Variants in ATP9B observed in about 807,000 individuals in gnomAD.
ATP9B encodes ATPase phospholipid transporting 9B.
ATP9B carries 110 observed loss-of-function variants against 146.1 expected under a neutral mutation model. The ratio of observed to expected loss-of-function variants is 0.75; its 90% CI spans 0.65 to 0.88. The LOEUF (loss-of-function observed/expected upper bound fraction) is 0.88, where lower values mean the gene tolerates loss of function less well. Ranked by LOEUF, ATP9B falls within the 40% of genes least tolerant of loss-of-function variation. ATP9B has a pLI of 0.00. For missense variants in ATP9B, 1,499 were observed against 1,496.4 expected (o/e 1.00, Z -0.03); for synonymous variants, 604 against 569.7 (o/e 1.06, Z -0.86).
chr18:79,233,189 G>A (rs2095808405), intron 11 of ATP9B, among the ~76,000 whole-genome samples: 1 of 152,188 alleles, frequency 6.6e-6, no homozygotes. Context: ...CTACTCTGGA[G>A]GCTGAAGCAG....
chr18:79,360,467 C>G (rs2096981367), intron 26 of ATP9B: 1 of 152,154 alleles, frequency 6.6e-6, no homozygotes, highest in Non-Finnish European at 1.5e-5. Context: ...TAACCACAAA[C>G]TGAGAAACTA....
intron 9 of ATP9B, among the ~76,000 whole-genome samples, chr18:79,200,779 AAGT>A (rs1390483776): frequency 2.1e-4 from 6 of 28,516 alleles, no homozygotes; most frequent in South Asian, 1.8e-3. Flanking sequence ...GTCAGAGCAG[AAGT>A]AGTGGTGGAA....
chr18:79,305,229 C>T (rs1217519556), intron 14 of ATP9B, among the ~76,000 whole-genome samples: 1 of 152,246 alleles, frequency 6.6e-6, no homozygotes, highest in East Asian at 1.9e-4. Flanking sequence ...CCCATTGCTG[C>T]GTTTCTACTC....
chr18:79,185,728 A>G (rs2148051086), intron 8 of ATP9B, among the ~76,000 whole-genome samples: 1 of 152,336 alleles, frequency 6.6e-6, no homozygotes, highest in South Asian at 2.1e-4. Context: ...GTAATAGCTT[A>G]TGCCCGTAAT....
At chr18:79,151,645 C>T (rs2094690902) in intron 6 of ATP9B, among the ~76,000 whole-genome samples, 1 of 152,136 alleles carries the variant, frequency 6.6e-6, no homozygotes, top group Non-Finnish European at 1.5e-5. Context: ...AATTCTACTC[C>T]AATCAGCGTG....
chr18:79,251,244 C>T lies in ATP9B; in HGVS notation c.1108-2137C>T, dbSNP rs565013245. On this transcript the variant is annotated intron_variant, in intron 11 of 29. Coordinates refer to ENST00000426216, the MANE Select transcript of ATP9B (RefSeq NM_198531.5). ...CCCCACCCCGCTGAATGCGGCATCC[C>T]GTCTGTGTTGGTCATGGAACCCACA... is the stretch of plus-strand genomic sequence containing the variant. Among the ~76,000 whole-genome samples, 11 of 152,334 alleles carry T rather than the reference C, an allele frequency of 7.2e-5. No homozygotes were observed. In the South Asian group the frequency reaches 8.3e-4, roughly 11 times the overall value.
Position 79,377,416 on chromosome 18 carries a change from C to T in ATP9B, c.*33C>T, listed in dbSNP as rs150163921. The T allele has an allele frequency of 1.2e-3, 1,867 of 1,600,026 alleles. 23 individuals are homozygous for T. The African/African-American group carries it at 0.022, about 19-fold the overall frequency. On this transcript the variant is annotated 3_prime_UTR_variant, in exon 30 of 30. Transcript: ENST00000426216. ...TGCACCCCCAGCGGGCTGGCCCCAG[C>T]ACCTTCTGCCCTTCCCAGCACCTTG...
chr18:79,226,417 A>G (rs376703421), intron 11 of ATP9B, among the ~76,000 whole-genome samples: 5 of 152,142 alleles, frequency 3.3e-5, no homozygotes, highest in African/African-American at 9.7e-5. Flanking sequence ...AACTCTTAGG[A>G]GAGATGTAAC....
At chr18:79,136,948 C>CT (rs2147323633) in intron 5 of ATP9B, among the ~76,000 whole-genome samples, 1 of 152,302 alleles carries the variant, frequency 6.6e-6, no homozygotes, top group East Asian at 1.9e-4. Flanking sequence ...AACGCACTCA[C>CT]TATCACAAGG....
At chr18:79,242,346 CTGATT>C (rs2095897695) in intron 11 of ATP9B, among the ~76,000 whole-genome samples, 1 of 152,090 alleles carries the variant, frequency 6.6e-6, no homozygotes, top group African/African-American at 2.4e-5. Context: ...GAAGAATATC[CTGATT>C]TGAAGTCTAA....
chr18:79,325,819 G>A (rs2096741228), intron 15 of ATP9B, among the ~76,000 whole-genome samples: 2 of 152,172 alleles, frequency 1.3e-5, no homozygotes, highest in African/African-American at 4.8e-5. Context: ...ATGGCGTTAG[G>A]CTGTTTTCCA....
At chr18:79,099,364 G>C (rs1171660447) in intron 2 of ATP9B, among the ~76,000 whole-genome samples, 1 of 152,154 alleles carries the variant, frequency 6.6e-6, no homozygotes, top group Non-Finnish European at 1.5e-5. Flanking sequence ...TGGGACTACA[G>C]ATGTGCACCA....
intron 15 of ATP9B, among the ~76,000 whole-genome samples, chr18:79,312,568 T>C (rs921729517): frequency 1.3e-5 from 2 of 152,222 alleles, no homozygotes; most frequent in Non-Finnish European, 2.9e-5. Flanking sequence ...GCAGGCTTTA[T>C]CTTCCTTACG....
intron 5 of ATP9B, among the ~76,000 whole-genome samples, chr18:79,142,552 A>G (rs914851116): frequency 2.6e-5 from 4 of 152,212 alleles, no homozygotes; most frequent in Non-Finnish European, 5.9e-5. Context: ...CTTTGCTGTG[A>G]AAAGCATAGC....
At chr18:79,075,081 G>GTTTT (rs35645442) in intron 1 of ATP9B, among the ~76,000 whole-genome samples, 3 of 146,030 alleles carry the variant, frequency 2.1e-5, no homozygotes, top group Non-Finnish European at 4.5e-5. Flanking sequence ...TCTTTTTAGA[G>GTTTT]TTTTTTTTTT....
At chr18:79,247,535 TTATCC>T (rs1358631854) in intron 11 of ATP9B, among the ~76,000 whole-genome samples, 1 of 152,138 alleles carries the variant, frequency 6.6e-6, no homozygotes, top group Non-Finnish European at 1.5e-5. Context: ...AGTAATAATT[TTATCC>T]TTAAAAACAT....
intron 2 of ATP9B, among the ~76,000 whole-genome samples, chr18:79,103,267 G>GTTT (rs76907504): frequency 4.5e-5 from 6 of 133,278 alleles, no homozygotes; most frequent in African/African-American, 5.8e-5. Flanking sequence ...ACTATTTGTA[G>GTTT]TTTTTTTTTT....
chr18:79,297,183 T>TGACCCAGAGAGGAGACACAGAC (rs2096557077), intron 13 of ATP9B, among the ~76,000 whole-genome samples: 1 of 108,360 alleles, frequency 9.2e-6, no homozygotes, highest in Non-Finnish European at 1.8e-5. Context: ...CAAAGAGAGA[T>TGACCCAGAGAGGAGACACAGAC]GACCCAGAGA....
chr18:79,163,731 C>CGT (rs1177037614), intron 7 of ATP9B, among the ~76,000 whole-genome samples: 1 of 150,720 alleles, frequency 6.6e-6, no homozygotes, highest in Non-Finnish European at 1.5e-5. Flanking sequence ...TATATGTATG[C>CGT]GTGTGTGTAT....
Sources: allele counts gnomAD v4.1 joint callset (sites outside exome capture counted in the v4.1 genomes callset), GRCh38; gene constraint gnomAD v4.1.1; transcripts MANE v1.5; gene names NCBI Gene and HGNC (gene_info 2026-07-23, HGNC 2026-07-21).